The following HCN4 variants were observed in gnomAD, a reference collection of about 807,000 sequenced individuals.
HCN4 encodes the protein potassium/sodium hyperpolarization-activated cyclic nucleotide-gated channel 4.
In HCN4, 29 loss-of-function variants were observed where a neutral mutation model predicts 76.9. That is an observed-to-expected ratio of 0.38 (90% confidence interval 0.28 to 0.51). The LOEUF (loss-of-function observed/expected upper bound fraction) is 0.51. Among genes scored for constraint, HCN4 ranks in the 20% least tolerant of loss-of-function variants. HCN4 has a pLI of 0.90. For missense variants in HCN4, 1,416 were observed against 1,715.2 expected (o/e 0.83, Z 3.08); for synonymous variants, 772 against 762.5 (o/e 1.01, Z -0.21).
At position 73,322,131 on chromosome 15, in the gene HCN4, A is replaced by G; in HGVS notation, c.*350T>C. 6.1e-6 allele frequency: 2 copies of G among 327,912 alleles called. No homozygotes were observed. The highest frequency in any genetic ancestry group is 5.5e-5 in the South Asian group (2 of 36,498). 20.3% of individuals were successfully genotyped at this position (327,912 alleles called of 1,614,324 possible). A position where few individuals can be genotyped will look rare whatever the true frequency, so the allele number is the denominator to read the frequency against. Reference sequence around the variant, plus strand: ...GGCAGCTGTTTCTCTAAATGAACACAATGACACATCTGCTCTAAGAACCGC... The same window carrying G: ...GGCAGCTGTTTCTCTAAATGAACACGATGACACATCTGCTCTAAGAACCGC... On this transcript the variant is annotated 3_prime_UTR_variant, in exon 8 of 8. Transcript: ENST00000261917.
At chr15:73,338,926 C>T (rs1360772715) in intron 2 of HCN4, among the ~76,000 whole-genome samples, 1 of 152,214 alleles carries the variant, frequency 6.6e-6, no homozygotes, top group Non-Finnish European at 1.5e-5. Flanking sequence ...AGGACCTCTC[C>T]TTGTGTCATC....
intron 4 of HCN4, among the ~76,000 whole-genome samples, chr15:73,326,349 C>T (rs370756037): frequency 1.3e-5 from 2 of 152,272 alleles, no homozygotes; most frequent in East Asian, 3.9e-4. Flanking sequence ...ACAGAAACAC[C>T]CACGGGCAAA....
chr15:73,363,739 G>A (rs1043223879), intron 1 of HCN4, among the ~76,000 whole-genome samples: 1 of 152,168 alleles, frequency 6.6e-6, no homozygotes, highest in Admixed American at 6.5e-5. Context: ...TGAGGACAGG[G>A]GAGGTGTGGT....
chr15:73,335,205 C>T (rs150355957), intron 2 of HCN4: 13 of 152,424 alleles, frequency 8.5e-5, no homozygotes, highest in Non-Finnish European at 1.5e-4. Context: ...CACCAACCTT[C>T]AGAACCCAGC....
intron 1 of HCN4, among the ~76,000 whole-genome samples, chr15:73,355,216 C>T (rs74885044): frequency 0.014 from 2,180 of 152,314 alleles, 27 homozygotes; most frequent in Non-Finnish European, 0.02. Context: ...TGGAAGGTGT[C>T]TGGGTCAGGG....
chr15:73,363,440 G>A (rs2043115368), intron 1 of HCN4, among the ~76,000 whole-genome samples: 1 of 152,182 alleles, frequency 6.6e-6, no homozygotes, highest in South Asian at 2.1e-4. Flanking sequence ...CCAGATTGCA[G>A]AGGGACCCCC....
chr15:73,368,161 G>C lies in HCN4; in HGVS notation c.110C>G (p.Ala37Gly). Residue 37 changes from alanine to glycine, a missense_variant, in exon 1 of 8, where the codon GCC becomes GGC. This residue lies in a region of HCN4 where 355 missense variants were observed against 347.8 expected (regional missense o/e 1.02). Transcript: ENST00000261917. This position sits in a 1 kb window ranked among gnomAD's most constrained non-coding sequence, Gnocchi z 6.9. The stretch of plus-strand genomic sequence containing the variant: ...GCGGCTGGGGTCTTGGCGGCCCCCG[G>C]CCCCCTCCTCCTCGGCGTCCTCTTC... ...DEEEDAEEEGAGGRQDPSRRS... is the reference protein window; with the variant it reads ...DEEEDAEEEGGGGRQDPSRRS... The C allele has an allele frequency of 6.5e-7, 1 of 1,527,756 alleles. No homozygotes were observed. Among genetic ancestry groups the C allele is most frequent in the Non-Finnish European group, 8.8e-7 (1 of 1,138,992 alleles). 94.6% of individuals were successfully genotyped at this position (1,527,756 alleles called of 1,614,324 possible).
chr15:73,351,422 T>G (rs893267063), intron 1 of HCN4, among the ~76,000 whole-genome samples: 1 of 152,192 alleles, frequency 6.6e-6, no homozygotes, highest in African/African-American at 2.4e-5. Flanking sequence ...AACCTCACCC[T>G]TGCCATATTC....
chr15:73,323,135 C>T lies in HCN4; in HGVS notation c.2958G>A (p.Leu986=). The change falls in exon 8 of 8, where the codon CTG becomes CTA. Residue 986 remains leucine (L), a synonymous_variant. Coordinates refer to ENST00000261917, the MANE Select transcript of HCN4 (RefSeq NM_005477.3). ...GQPPGELSLG[L]ATGPLSTPET... is the part of the protein sequence containing the mutation. ...CTGGCGTGCTCAGTGGGCCAGTGGC[C>T]AGACCTAGGGACAACTCCCCGGGAG... 6.3e-7 allele frequency: 1 copy of T among 1,592,040 alleles called. No individual in the cohort carries two copies. Among genetic ancestry groups the T allele is most frequent in the South Asian group, 1.1e-5 (1 of 87,762 alleles).
chr15:73,323,420 C>G lies in HCN4; in HGVS notation c.2673G>C (p.Ser891=), dbSNP rs191092709. The stretch of plus-strand genomic sequence containing the variant: ...CTACGCCAGCTGATGGTGTGGGAGC[C>G]GAGGGGGAGCCACAGGCCCCGGGGG... ...SPPPGACGSP[S]APTPSAGVAA... Residue 891 remains serine (S), a synonymous_variant, in exon 8 of 8, where the codon TCG becomes TCC. Transcript: ENST00000261917. 6.2e-7 allele frequency: 1 copy of G among 1,604,210 alleles called. No homozygotes were observed. The highest frequency in any genetic ancestry group is 1.7e-5 in the Admixed American group (1 of 58,898).
rs751444173 is a variant in HCN4, at chr15:73,324,943, G to C, written c.1978+12C>G. On this transcript the variant is annotated intron_variant, in intron 6 of 7. Coordinates refer to ENST00000261917, the MANE Select transcript of HCN4 (RefSeq NM_005477.3). The stretch of plus-strand genomic sequence containing the variant: ...CAGCTGCCCTGTCCCCCAGGGCCCA[G>C]GGCTGCCTCACCTCCAAAGTAGGAG... 2 of 1,613,816 alleles carry C rather than the reference G, an allele frequency of 1.2e-6. No homozygotes were observed. The highest frequency in any genetic ancestry group is 1.7e-6 in the Non-Finnish European group (2 of 1,179,976).
At chr15:73,323,983 A>G (rs780906646) in intron 7 of HCN4, 34 bp from the exon 8 acceptor site, 2 of 1,609,794 alleles carry the variant, frequency 1.2e-6, no homozygotes, top group South Asian at 2.2e-5. Context: ...CACTCAGGGC[A>G]GAGCGGGGAA....
rs115331482 is a variant in HCN4, at chr15:73,343,900, A to G, written c.786-92T>C. 2.2e-3 allele frequency: 3,014 copies of G among 1,390,814 alleles called. 31 individuals are homozygous for G. The African/African-American group carries it at 0.03, about 14-fold the overall frequency. 86.2% of individuals were successfully genotyped at this position (1,390,814 alleles called of 1,614,324 possible). A position where few individuals can be genotyped will look rare whatever the true frequency, so the allele number is the denominator to read the frequency against. ...AGATCTGAGGGACAGCATCTGGGAC[A>G]GAGAAGTCTTGGGAGGTTCTGAGAC... On this transcript the variant is annotated intron_variant, in intron 1 of 7. Coordinates refer to ENST00000261917, the MANE Select transcript of HCN4 (RefSeq NM_005477.3). The surrounding 1 kb of genome is among the most constrained non-coding windows in gnomAD (Gnocchi z 5.7).
chr15:73,325,114 T>A lies in HCN4; in HGVS notation c.1819A>T (p.Met607Leu). 1.2e-6 allele frequency: 2 copies of A among 1,614,244 alleles called. No homozygotes were observed. The highest frequency in any genetic ancestry group is 1.1e-5 in the South Asian group (1 of 91,086). The stretch of plus-strand genomic sequence containing the variant: ...ACCTCGAAACGCAGCTTGGTCAGCA[T>A]GGACGTCACGAAGTTGGGGTCCGCA... Reference protein sequence around the residue: ...ANADPNFVTSMLTKLRFEVFQ... With the variant: ...ANADPNFVTSLLTKLRFEVFQ... Residue 607 changes from methionine to leucine, a missense_variant, in exon 6 of 8, where the codon ATG becomes TTG. Met to Leu is a conservative substitution (Grantham distance 15). Coordinates refer to ENST00000261917, the MANE Select transcript of HCN4 (RefSeq NM_005477.3). The surrounding 1 kb of genome is among the most constrained non-coding windows in gnomAD (Gnocchi z 7.4).
At chr15:73,353,606 CCTAT>C (rs2043064779) in intron 1 of HCN4, among the ~76,000 whole-genome samples, 1 of 152,176 alleles carries the variant, frequency 6.6e-6, no homozygotes, top group Non-Finnish European at 1.5e-5. Flanking sequence ...CTCCACACCC[CCTAT>C]CTGTCTAGCT....
At chr15:73,351,414 C>T (rs1053290812) in intron 1 of HCN4, among the ~76,000 whole-genome samples, 1 of 152,162 alleles carries the variant, frequency 6.6e-6, no homozygotes, top group African/African-American at 2.4e-5. Flanking sequence ...CCCACGGGAA[C>T]CTCACCCTTG....
rs566793750 is a variant in HCN4, at chr15:73,359,220, T to C, written c.785+8266A>G. On this transcript the variant is annotated intron_variant, in intron 1 of 7. Transcript: ENST00000261917. ...TGGTAGCCCAGAGCTGGGGGAGCAG[T>C]GGGTGGAGGGAGTCCCCCTATCCAG... is the stretch of plus-strand genomic sequence containing the variant. Among the ~76,000 whole-genome samples, 178 of 152,268 alleles carry C rather than the reference T, an allele frequency of 1.2e-3. 1 individual carries two copies. Among genetic ancestry groups the C allele is most frequent in the African/African-American group, 4.1e-3 (172 of 41,554 alleles).
rs751152874 is a variant in HCN4, at chr15:73,322,581, C to T, written c.3512G>A (p.Arg1171Lys). Residue 1171 changes from arginine to lysine, a missense_variant, in exon 8 of 8, where the codon AGA becomes AAA. Arg to Lys is a conservative substitution (Grantham distance 26). Around this residue, in one of 6 missense-constraint regions of HCN4, gnomAD observed 633 missense variants for 579.8 expected, o/e 1.09. Coordinates refer to ENST00000261917, the MANE Select transcript of HCN4 (RefSeq NM_005477.3). ...LPPPLSLFGA[R>K]ATSSGGPPLT... ...AGGGGGCCCCCCAGAAGAGGTGGCT[C>T]TTGCCCCAAACAAAGACAGAGGGGG... 1 of 1,610,236 alleles carries T rather than the reference C, an allele frequency of 6.2e-7. No homozygotes were observed. The highest frequency in any genetic ancestry group is 8.5e-7 in the Non-Finnish European group (1 of 1,178,614).
intron 4 of HCN4, among the ~76,000 whole-genome samples, chr15:73,327,069 G>A (rs1035455031): frequency 3.3e-5 from 5 of 151,028 alleles, no homozygotes; most frequent in African/African-American, 7.3e-5. Flanking sequence ...TTGCAGGCAT[G>A]AGCCATCATG....
Sources: gnomAD v4.1 joint callset for allele counts (sites outside exome capture counted in the v4.1 genomes callset) on GRCh38, gnomAD v4.1.1 for gene constraint, gnomAD v4.1.1 regional missense constraint, Gnocchi (gnomAD v3.1) non-coding constraint, MANE v1.5 for transcripts, NCBI Gene and HGNC (gene_info 2026-07-23, HGNC 2026-07-21) for gene names.